The following GDAP1 variants were observed in gnomAD, a reference collection of about 807,000 sequenced individuals.
GDAP1 encodes the protein ganglioside induced differentiation associated protein 1.
In GDAP1, 34 loss-of-function variants were observed where a neutral mutation model predicts 40.1. That is an observed-to-expected ratio of 0.85 (90% CI 0.64 to 1.13). The LOEUF is 1.13. GDAP1 is among the 50% of genes most tolerant of loss of function. The probability of loss-of-function intolerance (pLI) is 0.00; values close to 1 mark genes in which losing one functional copy is unlikely to be tolerated. For synonymous variants in GDAP1, 170 were observed against 157.4 expected, an observed-to-expected ratio of 1.08 and a Z score of -0.60; for missense variants, 374 against 433.7, an observed-to-expected ratio of 0.86 and a Z score of 1.22.
chr8:74,423,286 G>T (rs886929480), intron 2 of GDAP1, among the ~76,000 whole-genome samples: 13 of 145,808 alleles, frequency 8.9e-5, no homozygotes, highest in African/African-American at 3.2e-4. Flanking sequence ...TATATAATAT[G>T]ATATGTGATA....
intron 2 of GDAP1, among the ~76,000 whole-genome samples, chr8:74,374,286 A>G (rs777230566): frequency 6.6e-5 from 10 of 152,184 alleles, no homozygotes; most frequent in African/African-American, 1.4e-4. Flanking sequence ...TGAGTTTGGG[A>G]GGATTCCCTT....
intron 2 of GDAP1, among the ~76,000 whole-genome samples, chr8:74,412,633 A>G (rs549451181): frequency 6.7e-6 from 1 of 150,178 alleles, no homozygotes; most frequent in Non-Finnish European, 1.5e-5. Flanking sequence ...GAATTTAATA[A>G]TAAAGGCAAA....
At chr8:74,464,378 G>C in intron 2 of GDAP1, among the ~76,000 whole-genome samples, 1 of 152,172 alleles carries the variant, frequency 6.6e-6, no homozygotes, top group Admixed American at 6.5e-5. Context: ...AGTCAGTGGG[G>C]AACAGGGTCA....
rs200776321 is a variant in GDAP1 at position 74,365,708 on chromosome 8, T to A, written c.*1341T>A. ...ACTTTTTGATGGCAAAATGATTTTT[T>A]AATTCTATTTTGATGCTGTAATTCC... On this transcript the variant is annotated 3_prime_UTR_variant, in exon 6 of 6. Coordinates refer to ENST00000220822, the MANE Select transcript of GDAP1 (RefSeq NM_018972.4). The A allele has an allele frequency of 3.1e-5, 14 of 454,586 alleles. No individual in the cohort carries two copies. In the East Asian group the frequency reaches 7.6e-4, roughly 25 times the overall value. 28.2% of individuals were successfully genotyped at this position (454,586 alleles called of 1,614,324 possible).
intron 2 of GDAP1, among the ~76,000 whole-genome samples, chr8:74,358,259 A>T (rs4410896): frequency 1.3e-5 from 2 of 152,036 alleles, no homozygotes; most frequent in African/African-American, 4.8e-5. Flanking sequence ...TCCTGCTCTC[A>T]TTCACTTTCC....
intron 3 of GDAP1, among the ~76,000 whole-genome samples, chr8:74,361,434 G>T (rs1353204194): frequency 1.3e-5 from 2 of 151,314 alleles, no homozygotes; most frequent in African/African-American, 4.9e-5. Context: ...GTCTCGCTCT[G>T]TTTCCATGCT....
Position 74,365,072 on chromosome 8 carries a change from T to A in GDAP1, c.*705T>A, listed in dbSNP as rs910284290. On this transcript the variant is annotated 3_prime_UTR_variant, in exon 6 of 6. Coordinates refer to ENST00000220822, the MANE Select transcript of GDAP1 (RefSeq NM_018972.4). ...CATTCCTCTGGATGGTCATGTCCAG[T>A]CAGTGGGAGGTAGAAAGGGTGGCAT... 19 of 453,846 alleles carry A rather than the reference T, an allele frequency of 4.2e-5. No individual in the cohort carries two copies. The highest frequency in any genetic ancestry group is 3.8e-4 in the African/African-American group (19 of 49,970). 28.1% of individuals were successfully genotyped at this position (453,846 alleles called of 1,614,324 possible). A position where few individuals can be genotyped will look rare whatever the true frequency, so the allele number is the denominator to read the frequency against.
chr8:74,459,827 A>T lies in GDAP1; in HGVS notation c.166-28851A>T, dbSNP rs192251305. On this transcript the variant is annotated intron_variant, in intron 2 of 2. Coordinates refer to the GDAP1 transcript ENST00000523640. ...ATAATTCTGAAAATGTACAAAATTA[A>T]TTTGAAATTAAGGCATGCGCAGGAG... 4.9e-3 allele frequency among the ~76,000 whole-genome samples: 754 copies of T among 152,330 alleles called. 6 individuals carry two copies. The highest frequency in any genetic ancestry group is 7.2e-3 in the Non-Finnish European group (489 of 68,024).
intron 2 of GDAP1, among the ~76,000 whole-genome samples, chr8:74,357,707 C>T (rs2131508424): frequency 6.6e-6 from 1 of 152,222 alleles, no homozygotes. Flanking sequence ...TGTTGCAATC[C>T]CACTCCCCAA....
intron 2 of GDAP1, among the ~76,000 whole-genome samples, chr8:74,431,830 G>A (rs762299930): frequency 4.6e-5 from 7 of 152,088 alleles, no homozygotes; most frequent in Non-Finnish European, 8.8e-5. Flanking sequence ...TAGTTCTAGA[G>A]TTTATCCACC....
In GDAP1 at chr8:74,405,414, C is replaced by T. The variant is rs764326643; in HGVS notation, c.165+54093C>T. 6.0e-5 allele frequency among the ~76,000 whole-genome samples: 9 copies of T among 150,068 alleles called. 1 individual carries two copies. The highest frequency in any genetic ancestry group is 7.6e-5 in the African/African-American group (3 of 39,398). On this transcript the variant is annotated intron_variant, in intron 2 of 2. Transcript: ENST00000523640. ...AATAATGACAAGAAAAAAGTCTTTACGTGTTCAGTGTAGACAAAATTCATT... is the reference window on the plus strand; with the variant it reads ...AATAATGACAAGAAAAAAGTCTTTATGTGTTCAGTGTAGACAAAATTCATT...
chr8:74,353,458 C>T lies in GDAP1; in HGVS notation c.310+1992C>T, dbSNP rs755740349. Among the ~76,000 whole-genome samples the T allele has an allele frequency of 1.8e-4, 28 of 152,084 alleles. 1 individual carries two copies. The highest frequency in any genetic ancestry group is 1.6e-3 in the Admixed American group (25 of 15,272). ...TAAATCAAGGCTAAGTTATATAAAT[C>T]GAGGTCAAGAAGAAGTTTATCTCAG... On this transcript the variant is annotated intron_variant, in intron 2 of 5. Transcript: ENST00000220822.
intron 2 of GDAP1, among the ~76,000 whole-genome samples, chr8:74,436,723 C>T (rs1806093559): frequency 6.6e-6 from 1 of 151,996 alleles, no homozygotes; most frequent in Admixed American, 6.6e-5. Flanking sequence ...CGCCCGGCCA[C>T]CATCTCTTCC....
At chr8:74,421,793 C>T (rs1047858570) in intron 2 of GDAP1, among the ~76,000 whole-genome samples, 10 of 152,182 alleles carry the variant, frequency 6.6e-5, no homozygotes, top group Non-Finnish European at 1.2e-4. Flanking sequence ...ACAACTGATA[C>T]GCAGTTTGGC....
At chr8:74,398,217 T>C (rs569211920) in intron 2 of GDAP1, among the ~76,000 whole-genome samples, 1 of 152,346 alleles carries the variant, frequency 6.6e-6, no homozygotes, top group South Asian at 2.1e-4. Flanking sequence ...TACCATTATG[T>C]AATGGCCTTC....
intron 2 of GDAP1, among the ~76,000 whole-genome samples, chr8:74,414,556 A>T (rs1325209894): frequency 2.5e-4 from 38 of 150,010 alleles, no homozygotes; most frequent in Non-Finnish European, 7.3e-5. Flanking sequence ...AATGGAAATG[A>T]CAGAGGAAAG....
chr8:74,478,591 G>T (rs1002930211), intron 2 of GDAP1, among the ~76,000 whole-genome samples: 2 of 152,118 alleles, frequency 1.3e-5, no homozygotes, highest in African/African-American at 4.8e-5. Flanking sequence ...CATCTTGCAG[G>T]TAGTACCATC....
At chr8:74,458,985 A>C (rs1343724317) in intron 2 of GDAP1, among the ~76,000 whole-genome samples, 1 of 152,090 alleles carries the variant, frequency 6.6e-6, no homozygotes, top group African/African-American at 2.4e-5. Context: ...ACTATGGGAG[A>C]AAAAATTTTG....
At chr8:74,427,483 G>T (rs941819772) in intron 2 of GDAP1, among the ~76,000 whole-genome samples, 5 of 152,126 alleles carry the variant, frequency 3.3e-5, no homozygotes, top group Non-Finnish European at 5.9e-5. Flanking sequence ...ATGAGTCTCA[G>T]AAGTATTAGT....
Sources: allele counts gnomAD v4.1 joint callset (sites outside exome capture counted in the v4.1 genomes callset), GRCh38; gene constraint gnomAD v4.1.1; transcripts MANE v1.5; gene names NCBI Gene and HGNC (gene_info 2026-07-23, HGNC 2026-07-21).